Variants in ADGRB3 observed in about 807,000 individuals in gnomAD.
The protein encoded by ADGRB3 is adhesion G protein-coupled receptor B3, also known as brain-specific angiogenesis inhibitor 3.
A neutral mutation model predicts 193.4 loss-of-function variants in ADGRB3; 37 were observed. That is an observed-to-expected ratio of 0.19 (90% CI 0.15 to 0.25). The LOEUF (loss-of-function observed/expected upper bound fraction) is 0.25, where lower values mean the gene tolerates loss of function less well. Among genes scored for constraint, ADGRB3 ranks in the 10% least tolerant of loss-of-function variants. The pLI is 1.00. For missense variants in ADGRB3, 1,637 were observed against 1,852.9 expected, an observed-to-expected ratio of 0.88 and a Z score of 2.14; for synonymous variants, 690 against 644.2, an observed-to-expected ratio of 1.07 and a Z score of -1.08.
At chr6:68,662,347 A>G (rs1242944953) in intron 3 of ADGRB3, among the ~76,000 whole-genome samples, 3 of 151,690 alleles carry the variant, frequency 2.0e-5, no homozygotes, top group East Asian at 3.9e-4. Flanking sequence ...TACATTATCA[A>G]TAAGAAAAAT....
chr6:68,804,136 GC>G (rs1767361343), intron 3 of ADGRB3, among the ~76,000 whole-genome samples: 1 of 152,076 alleles, frequency 6.6e-6, no homozygotes, highest in Admixed American at 6.6e-5. Context: ...AAACTCCATG[GC>G]CCTTCACAGT....
chr6:69,066,506 A>G (rs1771915682), intron 16 of ADGRB3, among the ~76,000 whole-genome samples: 1 of 152,104 alleles, frequency 6.6e-6, no homozygotes. Context: ...ACAATATGTT[A>G]AATATAATAA....
intron 17 of ADGRB3, among the ~76,000 whole-genome samples, chr6:69,210,842 A>G (rs530412872): frequency 2.6e-5 from 4 of 152,182 alleles, no homozygotes; most frequent in Non-Finnish European, 4.4e-5. Context: ...ACGGCCAGGC[A>G]TGGTGGCTCA....
At chr6:69,185,082 A>G (rs1323538856) in intron 17 of ADGRB3, among the ~76,000 whole-genome samples, 1 of 152,152 alleles carries the variant, frequency 6.6e-6, no homozygotes, top group Non-Finnish European at 1.5e-5. Context: ...TAATTTCTAA[A>G]CTAGGATTAG....
At chr6:69,372,000 C>CTGT (rs1223881585) in intron 29 of ADGRB3, among the ~76,000 whole-genome samples, 2 of 152,050 alleles carry the variant, frequency 1.3e-5, no homozygotes, top group Non-Finnish European at 2.9e-5. Flanking sequence ...GTCGAGGTAA[C>CTGT]TAGACAGTTT....
At chr6:69,214,926 C>A (rs757658744) in intron 17 of ADGRB3, among the ~76,000 whole-genome samples, 1 of 151,976 alleles carries the variant, frequency 6.6e-6, no homozygotes, top group African/African-American at 2.4e-5. Context: ...TAGTGAGGAA[C>A]AAGACCTACG....
intron 23 of ADGRB3, among the ~76,000 whole-genome samples, chr6:69,330,851 C>T (rs1211468514): frequency 6.6e-6 from 1 of 152,062 alleles, no homozygotes; most frequent in Non-Finnish European, 1.5e-5. Context: ...ATGAATTCTT[C>T]CTCTTTAATG....
intron 17 of ADGRB3, among the ~76,000 whole-genome samples, chr6:69,191,641 G>A (rs1360813239): frequency 6.6e-6 from 1 of 152,104 alleles, no homozygotes; most frequent in Admixed American, 6.6e-5. Flanking sequence ...TTCAGAAAGA[G>A]AACTGCATTT....
At chr6:69,069,130 C>T (rs1771996325) in intron 16 of ADGRB3, among the ~76,000 whole-genome samples, 1 of 152,114 alleles carries the variant, frequency 6.6e-6, no homozygotes, top group Admixed American at 6.6e-5. Context: ...TTAGCTCCTT[C>T]TAAGTATCAT....
chr6:69,069,764 G>GAA (rs961317363), intron 16 of ADGRB3, among the ~76,000 whole-genome samples: 1 of 138,338 alleles, frequency 7.2e-6, no homozygotes, highest in Non-Finnish European at 1.6e-5. Flanking sequence ...AGAAAGAAAA[G>GAA]AAAAAAATTT....
At chr6:68,772,894 A>AAAATAT (rs1466813173) in intron 3 of ADGRB3, among the ~76,000 whole-genome samples, 19 of 22,838 alleles carry the variant, frequency 8.3e-4, no homozygotes, top group East Asian at 3.1e-3. Context: ...AAAAAAAAAA[A>AAAATAT]ATATATATAT....
intron 20 of ADGRB3, among the ~76,000 whole-genome samples, chr6:69,249,943 A>G (rs1365296414): frequency 6.6e-6 from 1 of 152,212 alleles, no homozygotes; most frequent in Non-Finnish European, 1.5e-5. Context: ...ATTTATAGTT[A>G]TCTTAGGCTG....
intron 20 of ADGRB3, among the ~76,000 whole-genome samples, chr6:69,282,237 C>T (rs1767452668): frequency 6.6e-6 from 1 of 152,064 alleles, no homozygotes; most frequent in South Asian, 2.1e-4. Context: ...ACATAGAAAT[C>T]CACCCACCGT....
chr6:69,007,693 T>TCTCTCTCTCA (rs1232770873), intron 11 of ADGRB3, among the ~76,000 whole-genome samples: 4 of 90,168 alleles, frequency 4.4e-5, no homozygotes, highest in Non-Finnish European at 1.0e-4. Context: ...TCTCTCTCTC[T>TCTCTCTCTCA]CACACACACA....
At chr6:69,120,999 C>CTTTTTTT (rs36095516) in intron 17 of ADGRB3, among the ~76,000 whole-genome samples, 2 of 123,558 alleles carry the variant, frequency 1.6e-5, no homozygotes, top group Non-Finnish European at 3.3e-5. Context: ...ATGCAGTTAT[C>CTTTTTTT]TTTTTTTTTT....
rs144165919 is a variant in ADGRB3, at chr6:69,229,210, T to C, written c.2481-4080T>C. Among the ~76,000 whole-genome samples, 1,081 of 152,286 alleles carry C rather than the reference T, an allele frequency of 7.1e-3. 20 individuals carry two copies. The highest frequency in any genetic ancestry group is 0.025 in the African/African-American group (1,024 of 41,568). On this transcript the variant is annotated intron_variant, in intron 17 of 31. Coordinates refer to ENST00000370598, the MANE Select transcript of ADGRB3 (RefSeq NM_001704.3). ...AGTAGAAATTAACGTCGAAGAGTGT[T>C]CTTGCTCAAAATTGAGAACATTTTC...
chr6:68,943,041 G>T (rs1348827327), intron 5 of ADGRB3, among the ~76,000 whole-genome samples: 1 of 152,068 alleles, frequency 6.6e-6, no homozygotes, highest in African/African-American at 2.4e-5. Context: ...TTGAAGAATT[G>T]ATATATTCAT....
At chr6:68,895,927 T>G (rs1013458698) in intron 3 of ADGRB3, among the ~76,000 whole-genome samples, 2 of 152,046 alleles carry the variant, frequency 1.3e-5, no homozygotes, top group African/African-American at 4.8e-5. Flanking sequence ...TATTTATTAT[T>G]AAAAATATGG....
Position 68,775,417 on chromosome 6 carries a change from C to G in ADGRB3, c.757+135985C>G, listed in dbSNP as rs980018252. Among the ~76,000 whole-genome samples, 14 of 152,156 alleles carry G rather than the reference C, an allele frequency of 9.2e-5. No homozygotes were observed. In the East Asian group the frequency reaches 2.5e-3, roughly 27 times the overall value. ...ATAGAGAGTGAGAACTGGACAGTGT[C>G]TTTTTTCAGGGAGAAGACAAGATTA... On this transcript the variant is annotated intron_variant, in intron 3 of 31. Transcript: ENST00000370598.
Sources: allele counts gnomAD v4.1 joint callset (sites outside exome capture counted in the v4.1 genomes callset), GRCh38; gene constraint gnomAD v4.1.1; transcripts MANE v1.5; gene names NCBI Gene and HGNC (gene_info 2026-07-23, HGNC 2026-07-21).